FAM117B: variants seen among roughly 807,000 people sequenced by gnomAD.
FAM117B encodes family with sequence similarity 117 member B, also known as protein FAM117B.
FAM117B carries 22 observed loss-of-function variants against 52.8 expected under a neutral mutation model. The observed-to-expected ratio is 0.42, with a 90% CI of 0.30 to 0.59. The LOEUF (loss-of-function observed/expected upper bound fraction) is 0.59, where lower values mean the gene tolerates loss of function less well. Ranked by LOEUF, FAM117B falls within the 20% of genes least tolerant of loss-of-function variation. The pLI is 0.22. For synonymous variants in FAM117B, 309 were observed against 324.1 expected (o/e 0.95, Z 0.50); for missense variants, 678 against 802.6 (o/e 0.84, Z 1.88).
In FAM117B at chr2:202,635,430, C is replaced by G; in HGVS notation, c.243C>G (p.Gly81=). The G allele has an allele frequency of 8.1e-7, 1 of 1,227,350 alleles. No homozygotes were observed. 76.0% of individuals were successfully genotyped at this position (1,227,350 alleles called of 1,614,324 possible). The change falls in exon 1 of 8, where the codon GGC becomes GGG. Residue 81 remains glycine (G), a synonymous_variant. Transcript: ENST00000392238. The part of the protein sequence containing the change: ...GGASGPAGGG[G]GGGPRTASRS... ...CCTCAGGCCCCGCAGGCGGCGGCGG[C>G]GGCGGTGGCCCGCGCACCGCCTCGC...
chr2:202,672,908 CAT>C, intron 1 of FAM117B, among the ~76,000 whole-genome samples: 1 of 151,784 alleles, frequency 6.6e-6, no homozygotes, highest in East Asian at 1.9e-4. Context: ...GGCGAGCTGA[CAT>C]GGTGGCATGC....
At position 202,731,335 on chromosome 2, in the gene FAM117B, ATATATATATAT is replaced by A. The variant is rs1559111604; in HGVS notation, c.960+4973_960+4983del. On this transcript the variant is annotated intron_variant, in intron 4 of 7. Transcript: ENST00000392238. ...GGGGAGGATGTGGAGAAATTGGAAT[ATATATATATAT>A]ATATATATATATATATATATATGGA... Among the ~76,000 whole-genome samples, 40 of 98,584 alleles carry A rather than the reference ATATATATATAT, an allele frequency of 4.1e-4. 1 individual carries two copies. Among genetic ancestry groups the A allele is most frequent in the Non-Finnish European group, 5.8e-4 (31 of 53,500 alleles). The allele number at this position is 98,584 out of a possible 152,430, so 64.7% of individuals were successfully genotyped here.
chr2:202,671,591 T>C (rs1690299522), intron 1 of FAM117B, among the ~76,000 whole-genome samples: 1 of 152,216 alleles, frequency 6.6e-6, no homozygotes, highest in Non-Finnish European at 1.5e-5. Flanking sequence ...GCAGGTGTTC[T>C]CCACACTGGC....
intron 4 of FAM117B, among the ~76,000 whole-genome samples, chr2:202,746,972 A>C (rs529742616): frequency 3.6e-4 from 55 of 151,530 alleles, no homozygotes; most frequent in South Asian, 1.3e-3. Flanking sequence ...ACAAAAAAAA[A>C]CACAAAAACC....
intron 6 of FAM117B, among the ~76,000 whole-genome samples, chr2:202,757,889 A>G (rs1390580628): frequency 6.6e-6 from 1 of 152,232 alleles, no homozygotes; most frequent in Non-Finnish European, 1.5e-5. Context: ...ATGCAGGATG[A>G]GTGTTTAAAG....
At chr2:202,684,515 C>T (rs943362691) in intron 1 of FAM117B, among the ~76,000 whole-genome samples, 12 of 152,106 alleles carry the variant, frequency 7.9e-5, no homozygotes, top group Non-Finnish European at 1.8e-4. Flanking sequence ...ATGTCCTTTT[C>T]GTGATCGTGC....
chr2:202,728,249 A>G (rs1691287045), intron 4 of FAM117B, among the ~76,000 whole-genome samples: 2 of 152,138 alleles, frequency 1.3e-5, no homozygotes, highest in Admixed American at 1.3e-4. Flanking sequence ...TTAGCCTCTC[A>G]AAGTGTTGGA....
intron 1 of FAM117B, among the ~76,000 whole-genome samples, chr2:202,662,140 ATG>A (rs1254868757): frequency 7.1e-6 from 1 of 141,722 alleles, no homozygotes; most frequent in East Asian, 2.3e-4. Flanking sequence ...GTGTGTGTGT[ATG>A]TGTGTATGTG....
At position 202,637,041 on chromosome 2, in the gene FAM117B, C is replaced by T. The variant is rs140007375; in HGVS notation, c.601+1253C>T. On this transcript the variant is annotated intron_variant, in intron 1 of 7. Transcript: ENST00000392238. ...TCTCCTGAGTAGCTGGGATTACAGG[C>T]GACCGCCACCATGCCCGGCTAATTT... is the stretch of plus-strand genomic sequence containing the variant. 9.2e-3 allele frequency among the ~76,000 whole-genome samples: 1,398 copies of T among 151,828 alleles called. 21 individuals are homozygous for T. Among genetic ancestry groups the T allele is most frequent in the African/African-American group, 0.031 (1,299 of 41,382 alleles).
intron 1 of FAM117B, among the ~76,000 whole-genome samples, chr2:202,661,887 C>T (rs998156720): frequency 2.0e-5 from 3 of 149,140 alleles, no homozygotes; most frequent in Non-Finnish European, 4.4e-5. Context: ...CTGCACTGCA[C>T]TCCAGCCTGG....
intron 1 of FAM117B, among the ~76,000 whole-genome samples, chr2:202,676,529 G>A (rs1288317429): frequency 7.3e-5 from 11 of 151,690 alleles, no homozygotes; most frequent in South Asian, 6.3e-4. Context: ...ACAGGCATGC[G>A]CCACCACACC....
chr2:202,670,059 A>G (rs1382810647), intron 1 of FAM117B, among the ~76,000 whole-genome samples: 1 of 152,094 alleles, frequency 6.6e-6, no homozygotes, highest in Non-Finnish European at 1.5e-5. Flanking sequence ...TAGTTTCTTA[A>G]TCTTTCATGT....
chr2:202,667,798 A>G (rs936993526), intron 1 of FAM117B, among the ~76,000 whole-genome samples: 5 of 152,008 alleles, frequency 3.3e-5, no homozygotes, highest in African/African-American at 1.2e-4. Flanking sequence ...GGCCTTTGGG[A>G]TATTGACAGA....
chr2:202,728,242 G>A (rs753027977), intron 4 of FAM117B, among the ~76,000 whole-genome samples: 7 of 152,086 alleles, frequency 4.6e-5, no homozygotes, highest in Non-Finnish European at 1.0e-4. Flanking sequence ...TCCCACCTTA[G>A]CCTCTCAAAG....
Position 202,668,527 on chromosome 2 carries a change from CAAAA to C in FAM117B, c.602-27338_602-27335del, listed in dbSNP as rs373784165. Among the ~76,000 whole-genome samples the C allele has an allele frequency of 8.5e-3, 606 of 71,654 alleles. 5 individuals are homozygous for C. Among genetic ancestry groups the C allele is most frequent in the African/African-American group, 0.028 (569 of 20,096 alleles). 47.0% of individuals were successfully genotyped at this position (71,654 alleles called of 152,430 possible). A position where few individuals can be genotyped will look rare whatever the true frequency, so the allele number is the denominator to read the frequency against. Reference sequence around the variant, plus strand: ...TGTGTGACAGAGCGAGACTCTCTCTCAAAAAAAAAAAAAAAAAAAGAAAAAGAAG... The same window carrying C: ...TGTGTGACAGAGCGAGACTCTCTCTCAAAAAAAAAAAAAAAGAAAAAGAAG... On this transcript the variant is annotated intron_variant, in intron 1 of 7. Transcript: ENST00000392238.
At chr2:202,687,907 A>T (rs908169037) in intron 1 of FAM117B, among the ~76,000 whole-genome samples, 3 of 152,186 alleles carry the variant, frequency 2.0e-5, no homozygotes, top group Admixed American at 2.0e-4. Flanking sequence ...ATATTTGGTT[A>T]TGGTATCTGT....
rs184308596 is a variant in FAM117B at position 202,664,467 on chromosome 2, A to G, written c.601+28679A>G. Among the ~76,000 whole-genome samples the G allele has an allele frequency of 3.3e-4, 51 of 152,354 alleles. 1 individual carries two copies. The highest frequency in any genetic ancestry group is 8.5e-4 in the Admixed American group (13 of 15,302). On this transcript the variant is annotated intron_variant, in intron 1 of 7. Transcript: ENST00000392238. ...AAGACGAGAATGAGACAACTGAGGCATTGGCCCTGGATACATGTTTTTGGT... is the reference window on the plus strand; with the variant it reads ...AAGACGAGAATGAGACAACTGAGGCGTTGGCCCTGGATACATGTTTTTGGT...
chr2:202,670,348 G>A (rs1301576050), intron 1 of FAM117B, among the ~76,000 whole-genome samples: 2 of 149,820 alleles, frequency 1.3e-5, no homozygotes, highest in African/African-American at 5.0e-5. Flanking sequence ...AGAGTGCAGT[G>A]GCACAGTCTC....
At position 202,755,541 on chromosome 2, in the gene FAM117B, C is replaced by T. The variant is rs564095694; in HGVS notation, c.964C>T (p.Pro322Ser). ...TTCTCCATCCCATTTTCTTAAGGCT[C>T]CTGTTCCAAAGAGTGCACTTATTCC... ...NHAAINQCQAPVPKSALIPVI... is the reference protein window; with the variant it reads ...NHAAINQCQASVPKSALIPVI... Residue 322 changes from proline (P) to serine (S), a missense_variant, in exon 5 of 8, where the codon CCT becomes TCT. By Grantham distance (74) the Pro-to-Ser change is moderately conservative. Around this residue, in one of 3 missense-constraint regions of FAM117B, gnomAD observed 583 missense variants for 644.8 expected, o/e 0.90. Transcript: ENST00000392238. The T allele has an allele frequency of 7.8e-5, 126 of 1,613,438 alleles. No homozygotes were observed. In the East Asian group the frequency reaches 2.5e-3, roughly 31 times the overall value.
Sources: gnomAD v4.1 joint callset for allele counts (sites outside exome capture counted in the v4.1 genomes callset) on GRCh38, gnomAD v4.1.1 for gene constraint, gnomAD v4.1.1 regional missense constraint, MANE v1.5 for transcripts, NCBI Gene and HGNC (gene_info 2026-07-23, HGNC 2026-07-21) for gene names.